The following TMC8 variants were observed in gnomAD, a reference collection of about 807,000 sequenced individuals.
The protein encoded by TMC8 is transmembrane channel like 8, also known as transmembrane channel-like protein 8.
Under a neutral mutation model 76.0 loss-of-function variants are expected in TMC8, and 71 were observed. The ratio of observed to expected loss-of-function variants is 0.93; its 90% confidence interval spans 0.77 to 1.14. The LOEUF is 1.14. Ranked by LOEUF, TMC8 falls within the 50% of genes most tolerant of loss-of-function variation. TMC8 has a pLI of 0.00. For missense variants in TMC8, 924 were observed against 947.9 expected (o/e 0.97, Z 0.33); for synonymous variants, 433 against 433.8 (o/e 1.00, Z 0.02).
chr17:78,137,344 G>T lies in TMC8; in HGVS notation c.1237G>T (p.Val413Phe), dbSNP rs545052827. The stretch of plus-strand genomic sequence containing the variant: ...CAGCTGTGAGTCCTACGGCTACAAC[G>T]TTTGTGACTATCAGGTGGCTGGCAG... ...KSSCESYGYN[V>F]CDYQCWENSV... The change falls in exon 10 of 16, where the codon GTT (valine) becomes TTT (phenylalanine). Residue 413 changes from valine (V) to phenylalanine (F), a missense_variant. By Grantham distance (50) the Val-to-Phe change is conservative. Transcript: ENST00000318430. 3.7e-5 allele frequency: 60 copies of T among 1,613,960 alleles called. 1 individual carries two copies. The South Asian group carries it at 6.6e-4, about 18-fold the overall frequency.
Position 78,139,181 on chromosome 17 carries a change from G to T in TMC8, c.1843G>T (p.Val615Phe), listed in dbSNP as rs571040732. The T allele has an allele frequency of 6.2e-7, 1 of 1,613,714 alleles. No homozygotes were observed. The highest frequency in any genetic ancestry group is 1.1e-5 in the South Asian group (1 of 91,088). ...CCCAAGCCTTGTCCTGACGGTGTGC[G>T]TCTCCCAGACCCAGGCCAATGCCAG... is the stretch of plus-strand genomic sequence containing the variant. ...IMLSLVLTVC[V>F]SQTQANARAI... The change falls in exon 15 of 16, where the codon GTC (valine) becomes TTC (phenylalanine). Residue 615 changes from valine to phenylalanine, a missense_variant. Physicochemically the swap from Val to Phe is conservative, Grantham distance 50. Coordinates refer to ENST00000318430, the MANE Select transcript of TMC8 (RefSeq NM_152468.5).
At position 78,138,098 on chromosome 17, in the gene TMC8, G is replaced by C. The variant is rs1183510954; in HGVS notation, c.1443G>C (p.Gly481=). 6.2e-7 allele frequency: 1 copy of C among 1,613,908 alleles called. No homozygotes were observed. The highest frequency in any genetic ancestry group is 1.3e-5 in the African/African-American group (1 of 74,918). The change falls in exon 12 of 16, where the codon GGG becomes GGC. Residue 481 remains glycine, a synonymous_variant. Transcript: ENST00000318430. ...AGAATGTGCTGGACATCGTGGCGGGGCAGACGGTCACCTGGATGGGCCTCT... is the reference window on the plus strand; with the variant it reads ...AGAATGTGCTGGACATCGTGGCGGGCCAGACGGTCACCTGGATGGGCCTCT... ...VPKNVLDIVA[G]QTVTWMGLFY...
Position 78,138,052 on chromosome 17 carries a change from G to A in TMC8, c.1397G>A (p.Arg466Gln), listed in dbSNP as rs559358892. ...GGCCGGTTCTGGGCCTGGCTGGAAC[G>A]GGAGGAGTTCCTGGTCCCCAAGAAT... is the stretch of plus-strand genomic sequence containing the variant. ...FSGRFWAWLEREEFLVPKNVL... is the reference protein window; with the variant it reads ...FSGRFWAWLEQEEFLVPKNVL... The change falls in exon 12 of 16, where the codon CGG becomes CAG. Residue 466 changes from arginine to glutamine, a missense_variant. Transcript: ENST00000318430. 4.0e-5 allele frequency: 65 copies of A among 1,614,014 alleles called. 1 individual carries two copies. Among genetic ancestry groups the A allele is most frequent in the East Asian group, 3.8e-4 (17 of 44,870 alleles).
intron 15 of TMC8, among the ~76,000 whole-genome samples, chr17:78,140,326 C>CAA (rs34749218): frequency 0.13 from 17,658 of 131,814 alleles, 1,077 homozygotes; most frequent in Middle Eastern, 0.21. Flanking sequence ...CCAGTTTCCA[C>CAA]AAAAAAAAAA....
chr17:78,136,469 C>CA (rs879518886), intron 9 of TMC8, among the ~76,000 whole-genome samples: 165 of 140,420 alleles, frequency 1.2e-3, no homozygotes, highest in African/African-American at 2.6e-3. Context: ...GACCCTATCT[C>CA]AAAAAAAAAA....
Position 78,133,842 on chromosome 17 carries a change from C to T in TMC8, c.669-11C>T, listed in dbSNP as rs538848426. The T allele has an allele frequency of 6.2e-7, 1 of 1,613,014 alleles. No homozygotes were observed. The highest frequency in any genetic ancestry group is 2.2e-5 in the East Asian group (1 of 44,886). ...CCCTCCTCCAGCAGCCCCTGGTCTCCTGCCCCGCAGGATGGTGAAGGGGCT... is the reference window on the plus strand; with the variant it reads ...CCCTCCTCCAGCAGCCCCTGGTCTCTTGCCCCGCAGGATGGTGAAGGGGCT... On this transcript the variant is annotated splice_polypyrimidine_tract_variant and intron_variant, in intron 6 of 15. Coordinates refer to ENST00000318430, the MANE Select transcript of TMC8 (RefSeq NM_152468.5).
chr17:78,137,984 T>G, intron 11 of TMC8, 21 bp from the exon 12 acceptor site: 1 of 1,613,396 alleles, frequency 6.2e-7, no homozygotes, highest in Non-Finnish European at 8.5e-7. Context: ...GGTGAGTACC[T>G]GGACCCTCCC....
At chr17:78,138,944 G>C (rs1412245725) in intron 14 of TMC8, 3 of 1,536,632 alleles carry the variant, frequency 2.0e-6, no homozygotes, top group Admixed American at 3.9e-5. Flanking sequence ...TGTCTGGGTG[G>C]CTGCAGCTGC....
At chr17:78,130,962 GC>G (rs2074948486) in intron 1 of TMC8, 111 bp downstream of exon 1, 1 of 169,030 alleles carries the variant, frequency 5.9e-6, no homozygotes, top group South Asian at 1.3e-4. Flanking sequence ...CACGGCTGGG[GC>G]TGTAGCCACA....
chr17:78,136,479 A>AG (rs2075234127), intron 9 of TMC8: 1 of 153,192 alleles, frequency 6.5e-6, no homozygotes, highest in Admixed American at 6.5e-5. Context: ...CAAAAAAAAA[A>AG]AGCAAAAACA....
At chr17:78,132,172 GC>G (rs2075015649) in intron 3 of TMC8, 142 bp downstream of exon 3, 3 of 1,412,394 alleles carry the variant, frequency 2.1e-6, no homozygotes, top group Non-Finnish European at 2.9e-6. Flanking sequence ...CACCCCTTCC[GC>G]CCGCAGGCAC....
In TMC8 at chr17:78,132,455, T is replaced by G. The variant is rs752816881; in HGVS notation, c.395T>G (p.Leu132Arg). Residue 132 changes from leucine to arginine, a missense_variant, in exon 4 of 16, where the codon CTG (leucine) becomes CGG (arginine). By Grantham distance (102) the Leu-to-Arg change is moderately radical. Transcript: ENST00000318430. ...LSLLLTASFV[L>R]LPLVWLRPPD... Reference sequence around the variant, plus strand: ...CTGCTGCTCACCGCAAGCTTCGTGCTGCTGCCCCTGGTCTGGCTCCGCCCC... The same window carrying G: ...CTGCTGCTCACCGCAAGCTTCGTGCGGCTGCCCCTGGTCTGGCTCCGCCCC... 3.7e-6 allele frequency: 6 copies of G among 1,612,408 alleles called. No homozygotes were observed. In the Admixed American group the frequency reaches 5.0e-5, roughly 13 times the overall value.
In TMC8 at chr17:78,141,995, C is replaced by G. The variant is rs939823742; in HGVS notation, c.*883C>G. ...CTTAGTGGTATGTACGGGCCTGCAT[C>G]GTGAGCAGCGGGCGGGGGCCCAGGC... On this transcript the variant is annotated 3_prime_UTR_variant, in exon 16 of 16. Coordinates refer to ENST00000318430, the MANE Select transcript of TMC8 (RefSeq NM_152468.5). 6.6e-6 allele frequency: 1 copy of G among 152,450 alleles called. No homozygotes were observed. Among genetic ancestry groups the G allele is most frequent in the Non-Finnish European group, 1.5e-5 (1 of 68,208 alleles). The allele number at this position is 152,450 out of a possible 1,614,324, so 9.4% of individuals were successfully genotyped here.
Position 78,140,820 on chromosome 17 carries a change from T to A in TMC8, c.1903-14T>A. 6.2e-7 allele frequency: 1 copy of A among 1,601,272 alleles called. No homozygotes were observed. The highest frequency in any genetic ancestry group is 8.5e-7 in the Non-Finnish European group (1 of 1,175,040). Reference sequence around the variant, plus strand: ...GCAGCGCCTGTCGCAACTCGCCACTTGTTCTCCTCACAGCAGGTTCAGGAG... The same window carrying A: ...GCAGCGCCTGTCGCAACTCGCCACTAGTTCTCCTCACAGCAGGTTCAGGAG... On this transcript the variant is annotated splice_polypyrimidine_tract_variant and intron_variant, in intron 15 of 15. Coordinates refer to ENST00000318430, the MANE Select transcript of TMC8 (RefSeq NM_152468.5).
intron 6 of TMC8, 93 bp from the exon 7 acceptor site, chr17:78,133,760 C>A: frequency 6.3e-7 from 1 of 1,586,570 alleles, no homozygotes; most frequent in South Asian, 1.1e-5. Context: ...CCTGGGGCTG[C>A]AGGGGCCTTC....
chr17:78,130,955 G>A (rs1360991066), intron 1 of TMC8, 104 bp downstream of exon 1: 5 of 166,046 alleles, frequency 3.0e-5, no homozygotes, highest in Non-Finnish European at 5.2e-5. Context: ...CTGTCCCCAC[G>A]GCTGGGGCTG....
In TMC8 at chr17:78,130,836, G is replaced by C. The variant is rs1043111990; in HGVS notation, c.-324G>C. ...AGAAGGGGACTCCTCCAGGGACTTG[G>C]TCCCTAGGTCCCCAGGTGAGCTGGA... is the stretch of plus-strand genomic sequence containing the variant. On this transcript the variant is annotated 5_prime_UTR_variant, in exon 1 of 16. Coordinates refer to ENST00000318430, the MANE Select transcript of TMC8 (RefSeq NM_152468.5). 6.5e-6 allele frequency: 1 copy of C among 152,994 alleles called. No individual in the cohort carries two copies. Among genetic ancestry groups the C allele is most frequent in the African/African-American group, 2.4e-5 (1 of 41,444 alleles). 9.5% of individuals were successfully genotyped at this position (152,994 alleles called of 1,614,324 possible). A position where few individuals can be genotyped will look rare whatever the true frequency, so the allele number is the denominator to read the frequency against.
In TMC8 at chr17:78,142,584, G is replaced by C. The variant is rs1366541578; in HGVS notation, c.*1472G>C. 1.3e-5 allele frequency: 2 copies of C among 152,366 alleles called. No individual in the cohort carries two copies. The allele number at this position is 152,366 out of a possible 1,614,324, so 9.4% of individuals were successfully genotyped here. ...CTGCTAGTGCTGGGTCCTGTTCTGG[G>C]GGCTGGTGATGAGGCCAAGAGGGAA... is the stretch of plus-strand genomic sequence containing the variant. On this transcript the variant is annotated 3_prime_UTR_variant, in exon 16 of 16. Transcript: ENST00000318430.
At chr17:78,137,154 C>T in intron 9 of TMC8, 81 bp from the exon 10 acceptor site, 1 of 1,589,856 alleles carries the variant, frequency 6.3e-7, no homozygotes, top group Non-Finnish European at 8.5e-7. Context: ...CCCACTCGGA[C>T]ATCAGCCACA....
Sources: gnomAD v4.1 joint callset for allele counts (sites outside exome capture counted in the v4.1 genomes callset) on GRCh38, gnomAD v4.1.1 for gene constraint, MANE v1.5 for transcripts, NCBI Gene and HGNC (gene_info 2026-07-23, HGNC 2026-07-21) for gene names.